The following ADORA2B variants were observed in gnomAD, a reference collection of about 807,000 sequenced individuals.
The protein encoded by ADORA2B is adenosine receptor A2b.
A neutral mutation model predicts 20.8 loss-of-function variants in ADORA2B; 18 were observed. The ratio of observed to expected loss-of-function variants is 0.87; its 90% CI spans 0.60 to 1.29. The LOEUF is 1.29. Ranked by LOEUF, ADORA2B falls within the 50% of genes most tolerant of loss-of-function variation. ADORA2B has a pLI of 0.00. For synonymous variants in ADORA2B, 179 were observed against 178.3 expected (o/e 1.00, Z -0.03); for missense variants, 441 against 422.7 (o/e 1.04, Z -0.38).
the ADORA2B span, among the ~76,000 whole-genome samples, chr17:15,890,458 TC>T: frequency 2.1e-4 from 17 of 81,378 alleles, 3 homozygotes; most frequent in East Asian, 3.8e-3. Flanking sequence ...CTCATTCCTT[TC>T]TTTTATTTAT....
chr17:15,878,170 T>TGC, the ADORA2B span, among the ~76,000 whole-genome samples: 2 of 72,566 alleles, frequency 2.8e-5, no homozygotes, highest in Non-Finnish European at 5.5e-5. Context: ...CCTTTGTGTG[T>TGC]GTGTGTGTGT....
the ADORA2B span, among the ~76,000 whole-genome samples, chr17:15,882,006 C>T: frequency 1.3e-5 from 2 of 152,224 alleles, no homozygotes; most frequent in African/African-American, 4.8e-5. Flanking sequence ...TTCTCAGAGG[C>T]ATGGAACGCA....
At chr17:15,974,613 G>C in intron 1 of ADORA2B, 66 bp from the exon 2 acceptor site, 1 of 1,399,138 alleles carries the variant, frequency 7.1e-7, no homozygotes, top group East Asian at 2.3e-5. Flanking sequence ...AAGAGGAGGT[G>C]GGGTCTTGGA....
the ADORA2B span, among the ~76,000 whole-genome samples, chr17:15,852,311 A>G: frequency 1.3e-5 from 2 of 152,198 alleles, no homozygotes; most frequent in African/African-American, 2.4e-5. Flanking sequence ...TTAACATCTT[A>G]AAGAAGTCTT....
the ADORA2B span, among the ~76,000 whole-genome samples, chr17:15,909,926 C>T: frequency 6.6e-6 from 1 of 152,220 alleles, no homozygotes; most frequent in Non-Finnish European, 1.5e-5. Context: ...CCCAGAGCCG[C>T]CCCAGTCCCT....
At chr17:15,954,812 T>C (rs1969947150) in intron 1 of ADORA2B, among the ~76,000 whole-genome samples, 1 of 152,166 alleles carries the variant, frequency 6.6e-6, no homozygotes, top group Non-Finnish European at 1.5e-5. Context: ...GGTTGATAGA[T>C]TGTGGTTCGG....
rs1221386019 is a variant in ADORA2B, at chr17:15,951,680, TG to T, written c.335+6101del. On this transcript the variant is annotated intron_variant, in intron 1 of 1. Transcript: ENST00000304222. ...ATGTGTCTTGGAACCAGGTCAGAAC[TG>T]GGGTAATTCAATCCAGAGGATACCT... 3.3e-5 allele frequency among the ~76,000 whole-genome samples: 5 copies of T among 152,162 alleles called. No homozygotes were observed. In the East Asian group the frequency reaches 7.7e-4, roughly 23 times the overall value.
chr17:15,944,992 A>G (rs1237519637), upstream of ADORA2B: 1 of 276,950 alleles, frequency 3.6e-6, no homozygotes, highest in Admixed American at 5.3e-5. This position sits in a 1 kb window ranked among gnomAD's most constrained non-coding sequence, Gnocchi z 4.8. Context: ...CGCGGGCGCG[A>G]ACTTTGGGCT....
At chr17:15,953,515 A>G (rs749818984) in intron 1 of ADORA2B, among the ~76,000 whole-genome samples, 1 of 152,094 alleles carries the variant, frequency 6.6e-6, no homozygotes. Flanking sequence ...CTTGAAGCAG[A>G]ATCTGTTGAC....
the ADORA2B span, among the ~76,000 whole-genome samples, chr17:15,859,407 C>T: frequency 2.3e-4 from 35 of 150,062 alleles, no homozygotes; most frequent in East Asian, 6.1e-3. Context: ...TTTTTCTCTG[C>T]TATTTAGAGC....
At chr17:15,935,045 G>A in the ADORA2B span, among the ~76,000 whole-genome samples, 8 of 152,072 alleles carry the variant, frequency 5.3e-5, no homozygotes, top group Admixed American at 5.2e-4. Context: ...GACCCCAAAC[G>A]ATCCGCACAC....
the ADORA2B span, among the ~76,000 whole-genome samples, chr17:15,909,234 C>T: frequency 6.6e-6 from 1 of 152,074 alleles, no homozygotes; most frequent in Non-Finnish European, 1.5e-5. Flanking sequence ...CAAAACTTTG[C>T]TCTTGGGAAG....
chr17:15,852,131 A>G, the ADORA2B span, among the ~76,000 whole-genome samples: 3 of 152,126 alleles, frequency 2.0e-5, no homozygotes, highest in African/African-American at 7.2e-5. Context: ...TGTGCTTTTT[A>G]GCTTTTTTAT....
At chr17:15,870,963 A>T in the ADORA2B span, among the ~76,000 whole-genome samples, 2 of 152,316 alleles carry the variant, frequency 1.3e-5, no homozygotes, top group Admixed American at 6.5e-5. Flanking sequence ...CGTTTCTGAC[A>T]CAGTGGCTTC....
the ADORA2B span, among the ~76,000 whole-genome samples, chr17:15,893,049 T>C: frequency 1.4e-4 from 21 of 152,334 alleles, no homozygotes; most frequent in African/African-American, 5.1e-4. Flanking sequence ...TGGGAAGATA[T>C]TCTTGTATAT....
chr17:15,859,532 C>A, the ADORA2B span, among the ~76,000 whole-genome samples: 6 of 152,092 alleles, frequency 3.9e-5, no homozygotes, highest in Non-Finnish European at 5.9e-5. Context: ...GGCCTGGTCT[C>A]TGGCTTGCTA....
At chr17:15,955,726 T>A (rs1388932489) in intron 1 of ADORA2B, among the ~76,000 whole-genome samples, 4 of 150,546 alleles carry the variant, frequency 2.7e-5, no homozygotes, top group African/African-American at 9.8e-5. Context: ...GATTCTTTTT[T>A]TTTTTTTTTT....
At chr17:15,864,833 G>T in the ADORA2B span, among the ~76,000 whole-genome samples, 1 of 152,132 alleles carries the variant, frequency 6.6e-6, no homozygotes, top group Admixed American at 6.5e-5. Context: ...AAAAGGCAAG[G>T]TTAAACATTA....
At chr17:15,879,780 G>A in the ADORA2B span, among the ~76,000 whole-genome samples, 1 of 150,110 alleles carries the variant, frequency 6.7e-6, no homozygotes, top group Non-Finnish European at 1.5e-5. Flanking sequence ...CTTGTGATCC[G>A]CCTGCCTCGG....
Sources: gnomAD v4.1 joint callset for allele counts (sites outside exome capture counted in the v4.1 genomes callset) on GRCh38, gnomAD v4.1.1 for gene constraint, Gnocchi (gnomAD v3.1) non-coding constraint, MANE v1.5 for transcripts, NCBI Gene and HGNC (gene_info 2026-07-23, HGNC 2026-07-21) for gene names.